TNFSF13: variants seen among roughly 807,000 people sequenced by gnomAD.
TNFSF13 encodes TNF superfamily member 13, also known as tumor necrosis factor ligand superfamily member 13.
A neutral mutation model predicts 30.7 loss-of-function variants in TNFSF13; 18 were observed. The observed-to-expected ratio is 0.59, with a 90% CI of 0.41 to 0.87. The LOEUF (loss-of-function observed/expected upper bound fraction) is 0.87. Among genes scored for constraint, TNFSF13 ranks in the 40% least tolerant of loss-of-function variants. The probability of loss-of-function intolerance (pLI) is 0.00; values close to 1 mark genes in which losing one functional copy is unlikely to be tolerated. For synonymous variants in TNFSF13, 116 were observed against 123.2 expected (o/e 0.94, Z 0.39); for missense variants, 286 against 308.8 (o/e 0.93, Z 0.55).
chr17:7,560,705 A>C lies in TNFSF13; in HGVS notation c.644-19A>C, dbSNP rs748705800. 5.0e-6 allele frequency: 8 copies of C among 1,613,958 alleles called. No individual in the cohort carries two copies. The South Asian group carries it at 7.7e-5, about 16-fold the overall frequency. The stretch of plus-strand genomic sequence containing the variant: ...GATGGCTGTGCTTCACTGCGAATCT[A>C]CTTTCTCTCTTTTCTCAGGTGTCTT... On this transcript the variant is annotated intron_variant, in intron 5 of 5. Transcript: ENST00000338784.
At position 7,559,340 on chromosome 17, in the gene TNFSF13, T is replaced by C; in HGVS notation, c.258+43T>C. On this transcript the variant is annotated intron_variant, in intron 1 of 5. Transcript: ENST00000338784. The surrounding 1 kb of genome is among the most constrained non-coding windows in gnomAD (Gnocchi z 5.4). The stretch of plus-strand genomic sequence containing the variant: ...GGTGTCTGGGAGAGGATGGTTAGCA[T>C]GGGGGGTCTCTGGGCCTCCTGGTCT... 4 of 1,537,640 alleles carry C rather than the reference T, an allele frequency of 2.6e-6. No homozygotes were observed. The highest frequency in any genetic ancestry group is 1.8e-6 in the Non-Finnish European group (2 of 1,139,448).
rs1168927455 is a variant in TNFSF13, at chr17:7,560,946, C to A, written c.*113C>A. On this transcript the variant is annotated 3_prime_UTR_variant, in exon 6 of 6. Coordinates refer to ENST00000338784, the MANE Select transcript of TNFSF13 (RefSeq NM_003808.4). ...GAATGTGCAGGAACAGAGGCGTCTT[C>A]CTGGGTTTGGCTCCCCGTTCCTCAC... 6 of 1,614,068 alleles carry A rather than the reference C, an allele frequency of 3.7e-6. No homozygotes were observed. Among genetic ancestry groups the A allele is most frequent in the Non-Finnish European group, 5.1e-6 (6 of 1,180,036 alleles).
rs1488741272 is a variant in TNFSF13 at position 7,560,165 on chromosome 17, C to T, written c.502C>T (p.Gln168Ter). 1 of 1,613,964 alleles carries T rather than the reference C, an allele frequency of 6.2e-7. No homozygotes were observed. The highest frequency in any genetic ancestry group is 1.7e-5 in the Admixed American group (1 of 60,006). Residue 168 changes from glutamine (Q) to a stop codon, truncating the protein, a stop_gained and splice_region_variant, in exon 4 of 6, where the codon CAG becomes TAG. Transcript: ENST00000338784. LOFTEE classifies it high-confidence loss of function. ...TGCTGGAGTTTATCTGCTGTATAGC[C>T]AGGTAACCCCAGCCACACTCTGAGC... ...QDAGVYLLYS[Q>*]VLFQDVTFTM...
In TNFSF13 at chr17:7,561,521, G is replaced by C. The variant is rs1295861585; in HGVS notation, c.*688G>C. On this transcript the variant is annotated 3_prime_UTR_variant, in exon 6 of 6. Transcript: ENST00000338784. This position sits in a 1 kb window ranked among gnomAD's most constrained non-coding sequence, Gnocchi z 4.4. ...AGCCTCGGGTGTATCGTACGCCCTG[G>C]TGTTGGTGTTGCCTCACTCCTCTGA... The C allele has an allele frequency of 5.5e-6, 1 of 180,752 alleles. No individual in the cohort carries two copies. Among genetic ancestry groups the C allele is most frequent in the African/African-American group, 2.4e-5 (1 of 41,762 alleles). The allele number at this position is 180,752 out of a possible 1,614,324, so 11.2% of individuals were successfully genotyped here.
chr17:7,559,172 G>A lies in TNFSF13; in HGVS notation c.133G>A (p.Ala45Thr), dbSNP rs1219269445. Reference sequence around the variant, plus strand: ...GGCAGCTCTGGGGGCCGTGGCTTGTGCCATGGCTCTGCTGACCCAACAAAC... The same window carrying A: ...GGCAGCTCTGGGGGCCGTGGCTTGTACCATGGCTCTGCTGACCCAACAAAC... ...WGAALGAVAC[A>T]MALLTQQTEL... is the part of the protein sequence containing the mutation. Residue 45 changes from alanine to threonine, a missense_variant, in exon 1 of 6, where the codon GCC (alanine) becomes ACC (threonine). Transcript: ENST00000338784. This position sits in a 1 kb window ranked among gnomAD's most constrained non-coding sequence, Gnocchi z 5.4. 1 of 1,612,752 alleles carries A rather than the reference G, an allele frequency of 6.2e-7. No individual in the cohort carries two copies. Among genetic ancestry groups the A allele is most frequent in the Non-Finnish European group, 8.5e-7 (1 of 1,179,604 alleles).
Position 7,559,542 on chromosome 17 carries a change from CG to C in TNFSF13, c.259-77del. 1 of 1,534,176 alleles carries C rather than the reference CG, an allele frequency of 6.5e-7. No individual in the cohort carries two copies. Among genetic ancestry groups the C allele is most frequent in the Non-Finnish European group, 8.8e-7 (1 of 1,133,256 alleles). On this transcript the variant is annotated intron_variant, in intron 1 of 5. Coordinates refer to ENST00000338784, the MANE Select transcript of TNFSF13 (RefSeq NM_003808.4). The surrounding 1 kb of genome is among the most constrained non-coding windows in gnomAD (Gnocchi z 5.4). Reference sequence around the variant, plus strand: ...GGTGCGTGAGAGATCTGAGGCATCTCGGGGGCAGGGGAGGGCTGGGAAGGCA... The same window carrying C: ...GGTGCGTGAGAGATCTGAGGCATCTCGGGGCAGGGGAGGGCTGGGAAGGCA...
chr17:7,561,057 T>A lies in TNFSF13; in HGVS notation c.*224T>A, dbSNP rs753077158. The A allele has an allele frequency of 2.5e-6, 4 of 1,613,574 alleles. No homozygotes were observed. The African/African-American group carries it at 5.3e-5, about 22-fold the overall frequency. ...CCATGGAGCTCCGAATTCTTGCGTG[T>A]GTGTAGATGAGGGGCGGGGGACGGG... On this transcript the variant is annotated 3_prime_UTR_variant, in exon 6 of 6. Transcript: ENST00000338784. This position sits in a 1 kb window ranked among gnomAD's most constrained non-coding sequence, Gnocchi z 4.4.
Position 7,559,020 on chromosome 17 carries a change from G to A in TNFSF13, c.-20G>A, listed in dbSNP as rs768994437. 2 of 1,501,152 alleles carry A rather than the reference G, an allele frequency of 1.3e-6. No individual in the cohort carries two copies. Among genetic ancestry groups the A allele is most frequent in the East Asian group, 2.3e-5 (1 of 42,668 alleles). 93.0% of individuals were successfully genotyped at this position (1,501,152 alleles called of 1,614,324 possible). A position where few individuals can be genotyped will look rare whatever the true frequency, so the allele number is the denominator to read the frequency against. ...CTACCCCACTCTTGAAACCACAGCT[G>A]TTGGCAGGGTCCCCAGCTCATGCCA... On this transcript the variant is annotated 5_prime_UTR_variant, in exon 1 of 6. Transcript: ENST00000338784. This position sits in a 1 kb window ranked among gnomAD's most constrained non-coding sequence, Gnocchi z 5.4.
chr17:7,559,128 C>T lies in TNFSF13; in HGVS notation c.89C>T (p.Ala30Val), dbSNP rs780139878. 3 of 1,609,440 alleles carry T rather than the reference C, an allele frequency of 1.9e-6. No individual in the cohort carries two copies. Among genetic ancestry groups the T allele is most frequent in the Non-Finnish European group, 1.7e-6 (2 of 1,176,642 alleles). The change falls in exon 1 of 6, where the codon GCC (alanine) becomes GTC (valine). Residue 30 changes from alanine to valine, a missense_variant. Transcript: ENST00000338784. This position sits in a 1 kb window ranked among gnomAD's most constrained non-coding sequence, Gnocchi z 5.4. ...GPVREPALSV[A>V]LWLSWGAALG... ...GTCAGAGAGCCGGCACTCTCAGTTGCCCTCTGGTTGAGTTGGGGGGCAGCT... is the reference window on the plus strand; with the variant it reads ...GTCAGAGAGCCGGCACTCTCAGTTGTCCTCTGGTTGAGTTGGGGGGCAGCT...
rs763593464 is a variant in TNFSF13 at position 7,559,866 on chromosome 17, C to T, written c.358C>T (p.Leu120=). ...KQKKQHSVLH[L]VPINATSKDD... is the part of the protein sequence containing the mutation. Reference sequence around the variant, plus strand: ...CTCAGAGCAGCACTCTGTCCTGCACCTGGTTCCCATTAACGCCACCTCCAA... The same window carrying T: ...CTCAGAGCAGCACTCTGTCCTGCACTTGGTTCCCATTAACGCCACCTCCAA... Residue 120 remains leucine (L), a synonymous_variant, in exon 3 of 6, where the codon CTG becomes TTG. Transcript: ENST00000338784. The surrounding 1 kb of genome is among the most constrained non-coding windows in gnomAD (Gnocchi z 5.4). The T allele has an allele frequency of 1.2e-6, 2 of 1,614,080 alleles. No homozygotes were observed. Among genetic ancestry groups the T allele is most frequent in the South Asian group, 2.2e-5 (2 of 91,082 alleles).
Position 7,560,919 on chromosome 17 carries a change from G to T in TNFSF13, c.*86G>T, listed in dbSNP as rs1388505935. ...CCAAGAGCTGAGTATATAAAGGAGA[G>T]GGAATGTGCAGGAACAGAGGCGTCT... On this transcript the variant is annotated 3_prime_UTR_variant, in exon 6 of 6. Coordinates refer to ENST00000338784, the MANE Select transcript of TNFSF13 (RefSeq NM_003808.4). 9 of 1,614,064 alleles carry T rather than the reference G, an allele frequency of 5.6e-6. No individual in the cohort carries two copies. In the Admixed American group the frequency reaches 6.7e-5, roughly 12 times the overall value.
At position 7,560,103 on chromosome 17, in the gene TNFSF13, G is replaced by A. The variant is rs749519316; in HGVS notation, c.440G>A (p.Gly147Asp). 6.2e-7 allele frequency: 1 copy of A among 1,614,112 alleles called. No individual in the cohort carries two copies. The highest frequency in any genetic ancestry group is 1.7e-5 in the Admixed American group (1 of 60,026). ...MWQPALRRGR[G>D]LQAQGYGVRI... ...CAACCAGCTCTTAGGCGTGGGAGAG[G>A]CCTACAGGCCCAAGGATATGGTGTC... The change falls in exon 4 of 6, where the codon GGC becomes GAC. Residue 147 changes from glycine (G) to aspartate (D), a missense_variant. Gly to Asp is a moderately conservative substitution (Grantham distance 94). Transcript: ENST00000338784.
chr17:7,560,418 G>T lies in TNFSF13; in HGVS notation c.573G>T (p.Glu191Asp), dbSNP rs769120364. The part of the protein sequence containing the change: ...VVSREGQGRQ[E>D]TLFRCIRSMP... Reference sequence around the variant, plus strand: ...CTCGAGAAGGCCAAGGAAGGCAGGAGACTCTATTCCGATGTATAAGAAGTA... The same window carrying T: ...CTCGAGAAGGCCAAGGAAGGCAGGATACTCTATTCCGATGTATAAGAAGTA... The change falls in exon 5 of 6, where the codon GAG (glutamate) becomes GAT (aspartate). Residue 191 changes from glutamate to aspartate, a missense_variant. Coordinates refer to ENST00000338784, the MANE Select transcript of TNFSF13 (RefSeq NM_003808.4). The T allele has an allele frequency of 2.5e-6, 4 of 1,614,200 alleles. No individual in the cohort carries two copies. Among genetic ancestry groups the T allele is most frequent in the Non-Finnish European group, 1.7e-6 (2 of 1,180,028 alleles).
chr17:7,559,029 G>T lies in TNFSF13; in HGVS notation c.-11G>T, dbSNP rs781402845. The stretch of plus-strand genomic sequence containing the variant: ...TCTTGAAACCACAGCTGTTGGCAGG[G>T]TCCCCAGCTCATGCCAGCCTCATCT... On this transcript the variant is annotated 5_prime_UTR_variant, in exon 1 of 6. Transcript: ENST00000338784. This position sits in a 1 kb window ranked among gnomAD's most constrained non-coding sequence, Gnocchi z 5.4. 3.8e-5 allele frequency: 57 copies of T among 1,518,086 alleles called. No individual in the cohort carries two copies. Among genetic ancestry groups the T allele is most frequent in the Non-Finnish European group, 4.8e-5 (54 of 1,129,514 alleles). 94.0% of individuals were successfully genotyped at this position (1,518,086 alleles called of 1,614,324 possible).
Position 7,560,823 on chromosome 17 carries a change from T to C in TNFSF13, c.743T>C (p.Val248Ala). ...LSPHGTFLGFVKL is the reference protein window; with the variant it reads ...LSPHGTFLGFAKL ...CCACATGGAACCTTCCTGGGGTTTGTGAAACTGTGATTGTGTTATAAAAAG... is the reference window on the plus strand; with the variant it reads ...CCACATGGAACCTTCCTGGGGTTTGCGAAACTGTGATTGTGTTATAAAAAG... Residue 248 changes from valine to alanine, a missense_variant, in exon 6 of 6, where the codon GTG becomes GCG. Physicochemically the swap from Val to Ala is moderately conservative, Grantham distance 64. Transcript: ENST00000338784. 1 of 1,613,958 alleles carries C rather than the reference T, an allele frequency of 6.2e-7. No individual in the cohort carries two copies. Among genetic ancestry groups the C allele is most frequent in the Non-Finnish European group, 8.5e-7 (1 of 1,179,936 alleles).
In TNFSF13 at chr17:7,560,861, T is replaced by A; in HGVS notation, c.*28T>A. 1 of 1,613,832 alleles carries A rather than the reference T, an allele frequency of 6.2e-7. No individual in the cohort carries two copies. Among genetic ancestry groups the A allele is most frequent in the African/African-American group, 1.3e-5 (1 of 74,998 alleles). On this transcript the variant is annotated 3_prime_UTR_variant, in exon 6 of 6. Transcript: ENST00000338784. ...GTGTTATAAAAAGTGGCTCCCAGCT[T>A]GGAAGACCAGGGTGGGTACATACTG...
rs142700143 is a variant in TNFSF13 at position 7,559,340 on chromosome 17, T to TG, written c.258+49dup. The TG allele has an allele frequency of 0.024, 36,471 of 1,537,610 alleles. 486 individuals carry two copies. The highest frequency in any genetic ancestry group is 0.042 in the African/African-American group (3,069 of 73,116). ...GGTGTCTGGGAGAGGATGGTTAGCA[T>TG]GGGGGGTCTCTGGGCCTCCTGGTCT... On this transcript the variant is annotated intron_variant, in intron 1 of 5. Coordinates refer to ENST00000338784, the MANE Select transcript of TNFSF13 (RefSeq NM_003808.4). This position sits in a 1 kb window ranked among gnomAD's most constrained non-coding sequence, Gnocchi z 5.4.
rs779222477 is a variant in TNFSF13, at chr17:7,560,381, G to A, written c.536G>A (p.Gly179Asp). The A allele has an allele frequency of 6.2e-7, 1 of 1,614,166 alleles. No individual in the cohort carries two copies. ...TTTCAAGACGTGACTTTCACCATGG[G>A]TCAGGTGGTGTCTCGAGAAGGCCAA... ...VLFQDVTFTM[G>D]QVVSREGQGR... is the part of the protein sequence containing the mutation. Residue 179 changes from glycine to aspartate, a missense_variant, in exon 5 of 6, where the codon GGT becomes GAT. Transcript: ENST00000338784.
At position 7,558,916 on chromosome 17, in the gene TNFSF13, T is replaced by G; in HGVS notation, c.-124T>G. ...TCCCTCCTTTTTATTTTCAAGTTCC[T>G]TTTTATTTCTCCTTGCGTAACAACC... On this transcript the variant is annotated 5_prime_UTR_variant, in exon 1 of 6. Transcript: ENST00000338784. This position sits in a 1 kb window ranked among gnomAD's most constrained non-coding sequence, Gnocchi z 4.3. 8.5e-7 allele frequency: 1 copy of G among 1,177,454 alleles called. No homozygotes were observed. Among genetic ancestry groups the G allele is most frequent in the Non-Finnish European group, 1.1e-6 (1 of 885,144 alleles). 72.9% of individuals were successfully genotyped at this position (1,177,454 alleles called of 1,614,324 possible).
Sources: allele counts gnomAD v4.1 joint callset, GRCh38; gene constraint gnomAD v4.1.1; non-coding constraint Gnocchi (gnomAD v3.1); transcripts MANE v1.5; gene names NCBI Gene and HGNC (gene_info 2026-07-23, HGNC 2026-07-21).